Variants in ADA2 observed in about 807,000 individuals in gnomAD.
The protein encoded by ADA2 is adenosine deaminase 2, also known as adenosine deaminase CECR1.
ADA2 carries 29 observed loss-of-function variants against 44.2 expected under a neutral mutation model. The observed-to-expected ratio is 0.66, with a 90% CI of 0.49 to 0.89. The LOEUF (loss-of-function observed/expected upper bound fraction) is 0.89. Among genes scored for constraint, ADA2 ranks in the 40% least tolerant of loss-of-function variants. The pLI, the probability that ADA2 is intolerant of heterozygous loss-of-function variation, is 0.00. For missense variants in ADA2, 637 were observed against 644.8 expected (o/e 0.99, Z 0.13); for synonymous variants, 215 against 234.9 (o/e 0.92, Z 0.77).
intron 2 of ADA2, 123 bp from the exon 3 acceptor site, chr22:17,207,413 G>A: frequency 1.5e-6 from 1 of 672,958 alleles, no homozygotes; most frequent in South Asian, 2.0e-5. Context: ...GGGACAAAGG[G>A]GTGAAGTCCC....
At chr22:17,182,837 A>G (rs528761457) in intron 7 of ADA2, 76 bp from the exon 8 acceptor site, 2 of 1,507,474 alleles carry the variant, frequency 1.3e-6, no homozygotes, top group Non-Finnish European at 1.8e-6. Context: ...GGTCTGACCC[A>G]CCCGCCCCCC....
chr22:17,217,300 T>C (rs958698285), intron 1 of ADA2, among the ~76,000 whole-genome samples: 1 of 151,628 alleles, frequency 6.6e-6, no homozygotes, highest in Non-Finnish European at 1.5e-5. Flanking sequence ...GCCCCAGAAC[T>C]GACAGTCTTT....
At chr22:17,187,841 A>T (rs1273591591) in intron 7 of ADA2, among the ~76,000 whole-genome samples, 1 of 152,010 alleles carries the variant, frequency 6.6e-6, no homozygotes, top group Non-Finnish European at 1.5e-5. Context: ...GCAGTGGCTC[A>T]CCCTTGTAAT....
chr22:17,199,446 T>TCCCTCCCCTCCTCTTTCCTCTTC, intron 4 of ADA2: 1 of 917,628 alleles, frequency 1.1e-6, no homozygotes, highest in Non-Finnish European at 1.7e-6. Flanking sequence ...CCTCTTCCCC[T>TCCCTCCCCTCCTCTTTCCTCTTC]CCACCCACGA....
At chr22:17,210,826 G>A (rs1464040816) in intron 1 of ADA2, among the ~76,000 whole-genome samples, 2 of 151,886 alleles carry the variant, frequency 1.3e-5, no homozygotes, top group Non-Finnish European at 2.9e-5. Context: ...AGCCTCAAGT[G>A]ATCCACTCAT....
chr22:17,207,005 G>A, intron 3 of ADA2, 66 bp downstream of exon 3: 1 of 1,230,480 alleles, frequency 8.1e-7, no homozygotes, highest in Non-Finnish European at 1.2e-6. Flanking sequence ...TTGTACCAAG[G>A]GAGACACCTA....
In ADA2 at chr22:17,209,487, A is replaced by G. The variant is rs2062393352; in HGVS notation, c.191T>C (p.Met64Thr). 1.2e-6 allele frequency: 2 copies of G among 1,613,986 alleles called. No individual in the cohort carries two copies. Among genetic ancestry groups the G allele is most frequent in the Non-Finnish European group, 1.7e-6 (2 of 1,180,034 alleles). Residue 64 changes from methionine to threonine, a missense_variant, in exon 2 of 10, where the codon ATG (methionine) becomes ACG (threonine). Physicochemically the swap from Met to Thr is moderately conservative, Grantham distance 81 (BLOSUM62 -1). Coordinates refer to ENST00000399837, the MANE Select transcript of ADA2 (RefSeq NM_001282225.2). ...TKEELANERL[M>T]TLKIAEMKEA... ...CTTCATCTCAGCGATTTTGAGCGTC[A>G]TGAGCCTCTCATTGGCCAGCTCCTC...
chr22:17,198,427 G>C (rs1427293831), intron 4 of ADA2, among the ~76,000 whole-genome samples: 1 of 152,162 alleles, frequency 6.6e-6, no homozygotes, highest in South Asian at 2.1e-4. Flanking sequence ...TGTCAAAAAG[G>C]GAGCAGTTAA....
chr22:17,200,813 C>T (rs936631827), intron 4 of ADA2, among the ~76,000 whole-genome samples: 4 of 149,440 alleles, frequency 2.7e-5, no homozygotes, highest in African/African-American at 7.4e-5. Context: ...ACCCAGGAGG[C>T]GGAGGTTGCA....
intron 4 of ADA2, among the ~76,000 whole-genome samples, chr22:17,192,029 T>C (rs961664125): frequency 1.3e-5 from 2 of 151,432 alleles, no homozygotes; most frequent in South Asian, 2.1e-4. Flanking sequence ...ATCAACGAGC[T>C]CTGGGAAAAG....
chr22:17,202,616 A>C lies in ADA2; in HGVS notation c.753+947T>G, dbSNP rs184548228. Among the ~76,000 whole-genome samples the C allele has an allele frequency of 4.2e-3, 632 of 152,168 alleles. 3 individuals are homozygous for C. The highest frequency in any genetic ancestry group is 0.015 in the African/African-American group (606 of 41,514). On this transcript the variant is annotated intron_variant, in intron 4 of 9. Coordinates refer to ENST00000399837, the MANE Select transcript of ADA2 (RefSeq NM_001282225.2). ...CACTTCTTCCTTCTGTGTGCAAAACAAGTCTCTCCATCCTAAAAAGAAACC... is the reference window on the plus strand; with the variant it reads ...CACTTCTTCCTTCTGTGTGCAAAACCAGTCTCTCCATCCTAAAAAGAAACC...
intron 1 of ADA2, chr22:17,214,133 T>C: frequency 2.7e-6 from 2 of 730,506 alleles, no homozygotes; most frequent in South Asian, 1.4e-5. Flanking sequence ...GAGCATTACA[T>C]TCCCAGAGTC....
intron 4 of ADA2, chr22:17,192,899 G>T (rs779311138): frequency 1.9e-5 from 10 of 524,626 alleles, no homozygotes; most frequent in Non-Finnish European, 3.6e-5. Context: ...TCTCCTCTTT[G>T]GCATCATGGC....
chr22:17,196,784 G>A (rs1163483156), intron 4 of ADA2, among the ~76,000 whole-genome samples: 1 of 152,166 alleles, frequency 6.6e-6, no homozygotes, highest in Non-Finnish European at 1.5e-5. Context: ...GACAGTTGTT[G>A]GCGGAGTGGT....
intron 1 of ADA2, among the ~76,000 whole-genome samples, chr22:17,212,213 G>T (rs1311518151): frequency 6.6e-6 from 1 of 151,994 alleles, no homozygotes; most frequent in African/African-American, 2.4e-5. Flanking sequence ...TTTTAATAGA[G>T]ATGGGGTTTC....
At chr22:17,206,523 A>G (rs571769045) in intron 3 of ADA2, among the ~76,000 whole-genome samples, 5 of 152,282 alleles carry the variant, frequency 3.3e-5, no homozygotes, top group African/African-American at 1.2e-4. Flanking sequence ...AAACAAAAAT[A>G]GTGTTGCTGA....
chr22:17,193,133 T>C (rs2062142061), intron 4 of ADA2: 2 of 1,400,858 alleles, frequency 1.4e-6, no homozygotes, highest in Non-Finnish European at 2.0e-6. Flanking sequence ...CTTCCAGAAG[T>C]TCCTGGTCCA....
intron 3 of ADA2, among the ~76,000 whole-genome samples, chr22:17,204,586 G>A (rs918853169): frequency 3.3e-5 from 5 of 151,548 alleles, no homozygotes; most frequent in African/African-American, 1.2e-4. Flanking sequence ...CTCCAGCCTG[G>A]GCGACACAGC....
chr22:17,183,491 T>C (rs1315171949), intron 7 of ADA2, among the ~76,000 whole-genome samples: 5 of 146,524 alleles, frequency 3.4e-5, no homozygotes. Context: ...GACGGAGTCT[T>C]GCTCTGTCGC....
Sources: gnomAD v4.1 joint callset for allele counts (sites outside exome capture counted in the v4.1 genomes callset) on GRCh38, gnomAD v4.1.1 for gene constraint, MANE v1.5 for transcripts, NCBI Gene and HGNC (gene_info 2026-07-23, HGNC 2026-07-21) for gene names.